The following RPS6KA2 variants were observed in gnomAD, a reference collection of about 807,000 sequenced individuals.
RPS6KA2 encodes the protein ribosomal protein S6 kinase alpha-2.
A neutral mutation model predicts 91.8 loss-of-function variants in RPS6KA2; 42 were observed. The observed-to-expected ratio is 0.46, with a 90% CI of 0.36 to 0.59. The LOEUF is 0.59. RPS6KA2 is among the 20% of genes least tolerant of loss of function. The pLI is 0.00. For missense variants in RPS6KA2, 798 were observed against 978.5 expected (o/e 0.82, Z 2.46); for synonymous variants, 414 against 393.6 (o/e 1.05, Z -0.61).
intron 2 of RPS6KA2, among the ~76,000 whole-genome samples, chr6:166,532,521 GC>G (rs1202964062): frequency 6.6e-6 from 1 of 152,202 alleles, no homozygotes; most frequent in Admixed American, 6.5e-5. Flanking sequence ...CTCACCATGT[GC>G]CCCTGAAGTG....
At chr6:166,693,323 G>C (rs1455839183) in intron 2 of RPS6KA2, among the ~76,000 whole-genome samples, 1 of 152,228 alleles carries the variant, frequency 6.6e-6, no homozygotes, top group Admixed American at 6.5e-5. Flanking sequence ...TAAACACGCG[G>C]AAGTGATTCT....
In RPS6KA2 at chr6:166,513,376, A is replaced by T. The variant is rs3778425; in HGVS notation, c.299-3019T>A. ...GAGGGTGCGGGAGCGACTGCTTATC[A>T]CTTCTGCCCAAGGGGACACAGGAGG... On this transcript the variant is annotated intron_variant, in intron 3 of 20. Transcript: ENST00000265678. Among the ~76,000 whole-genome samples the T allele has an allele frequency of 7.8e-4, 119 of 152,266 alleles. 2 individuals are homozygous for T. In the East Asian group the frequency reaches 8.5e-3, roughly 11 times the overall value.
At chr6:166,673,752 T>C (rs2128562067) in intron 2 of RPS6KA2, among the ~76,000 whole-genome samples, 1 of 152,346 alleles carries the variant, frequency 6.6e-6, no homozygotes, top group South Asian at 2.1e-4. Context: ...TTTTAGCTCA[T>C]CAGCTATTGT....
intron 6 of RPS6KA2, among the ~76,000 whole-genome samples, chr6:166,502,888 A>T (rs1314930157): frequency 6.6e-6 from 1 of 152,122 alleles, no homozygotes; most frequent in East Asian, 1.9e-4. Flanking sequence ...GTCTTTTTTG[A>T]TTCTACGTTG....
intron 2 of RPS6KA2, among the ~76,000 whole-genome samples, chr6:166,789,720 T>G (rs1411027166): frequency 6.6e-6 from 1 of 152,232 alleles, no homozygotes; most frequent in East Asian, 1.9e-4. Flanking sequence ...TCCGCTGTTC[T>G]GCAGCCACCA....
intron 2 of RPS6KA2, among the ~76,000 whole-genome samples, chr6:166,691,196 G>T (rs568194550): frequency 6.6e-6 from 1 of 152,094 alleles, no homozygotes; most frequent in African/African-American, 2.4e-5. Context: ...TTACGGCCCC[G>T]GGTTCTAGCC....
At chr6:166,616,586 C>T (rs570558827) in intron 1 of RPS6KA2, among the ~76,000 whole-genome samples, 1 of 152,344 alleles carries the variant, frequency 6.6e-6, no homozygotes, top group East Asian at 1.9e-4. Flanking sequence ...GATGAACATG[C>T]AGAACCCCCG....
At chr6:166,642,197 T>C (rs1024665215) in intron 2 of RPS6KA2, among the ~76,000 whole-genome samples, 4 of 152,196 alleles carry the variant, frequency 2.6e-5, no homozygotes, top group Admixed American at 6.5e-5. Flanking sequence ...TGTTAATTAC[T>C]GTCAGCTACC....
intron 2 of RPS6KA2, among the ~76,000 whole-genome samples, chr6:166,690,774 T>C (rs1336009847): frequency 1.3e-5 from 2 of 152,102 alleles, no homozygotes; most frequent in East Asian, 3.9e-4. Flanking sequence ...ACGTACACCA[T>C]CTACTTAGCA....
intron 2 of RPS6KA2, among the ~76,000 whole-genome samples, chr6:166,653,477 G>A (rs1787921829): frequency 1.3e-5 from 2 of 152,202 alleles, no homozygotes; most frequent in Non-Finnish European, 2.9e-5. Flanking sequence ...AGACGGAATC[G>A]ACATGGCAAT....
At chr6:166,785,965 T>C (rs1325256111) in intron 2 of RPS6KA2, among the ~76,000 whole-genome samples, 1 of 152,182 alleles carries the variant, frequency 6.6e-6, no homozygotes, top group Non-Finnish European at 1.5e-5. Flanking sequence ...TAAATAACAT[T>C]TGGTTTTATT....
At chr6:166,780,567 C>T (rs894645526) in intron 2 of RPS6KA2, among the ~76,000 whole-genome samples, 10 of 152,238 alleles carry the variant, frequency 6.6e-5, no homozygotes, top group African/African-American at 1.9e-4. Context: ...ATGCGTATAC[C>T]ACAGAAGCCA....
At chr6:166,606,528 A>G (rs1013964760) in intron 1 of RPS6KA2, among the ~76,000 whole-genome samples, 4 of 152,250 alleles carry the variant, frequency 2.6e-5, no homozygotes, top group African/African-American at 9.6e-5. Flanking sequence ...TTTGCTGTAA[A>G]CAATACCATC....
chr6:166,420,353 A>C (rs910206755), intron 17 of RPS6KA2, among the ~76,000 whole-genome samples: 29 of 152,110 alleles, frequency 1.9e-4, no homozygotes, highest in African/African-American at 7.0e-4. Context: ...CCATCCATCC[A>C]CAGAGCATTT....
At chr6:166,453,576 T>C (rs941271738) in intron 12 of RPS6KA2, among the ~76,000 whole-genome samples, 4 of 152,162 alleles carry the variant, frequency 2.6e-5, no homozygotes, top group African/African-American at 9.6e-5. Context: ...AAATAACAGA[T>C]GTTGGTGAGG....
At chr6:166,552,846 G>T (rs1339555253) in intron 1 of RPS6KA2, among the ~76,000 whole-genome samples, 2 of 152,238 alleles carry the variant, frequency 1.3e-5, no homozygotes, top group Non-Finnish European at 2.9e-5. Context: ...CAGTGGCATA[G>T]CAGGGATGGG....
chr6:166,852,409 A>T lies in RPS6KA2; in HGVS notation c.123+5791T>A, dbSNP rs116280526. Among the ~76,000 whole-genome samples the T allele has an allele frequency of 5.5e-3, 844 of 152,114 alleles. 8 individuals carry two copies. Among genetic ancestry groups the T allele is most frequent in the African/African-American group, 0.019 (798 of 41,474 alleles). On this transcript the variant is annotated intron_variant, in intron 2 of 21. Coordinates refer to the RPS6KA2 transcript ENST00000503859. The surrounding 1 kb of genome is among the most constrained non-coding windows in gnomAD (Gnocchi z 4.1). The stretch of plus-strand genomic sequence containing the variant: ...TTCACCTTGTCTCACTTCTATTCAG[A>T]CCAGTTTAGATTGTTTTTCTTTCTG...
At chr6:166,475,614 T>G in intron 10 of RPS6KA2, 1 of 310,576 alleles carries the variant, frequency 3.2e-6, no homozygotes, top group Non-Finnish European at 6.8e-6. Context: ...CCTCTGGAGG[T>G]CAGTGGCAGT....
At chr6:166,553,028 CTT>C (rs1562575332) in intron 1 of RPS6KA2, among the ~76,000 whole-genome samples, 1 of 152,236 alleles carries the variant, frequency 6.6e-6, no homozygotes, top group African/African-American at 2.4e-5. Context: ...TGAACACACA[CTT>C]ATATAATATT....
Sources: allele counts gnomAD v4.1 joint callset (sites outside exome capture counted in the v4.1 genomes callset), GRCh38; gene constraint gnomAD v4.1.1; non-coding constraint Gnocchi (gnomAD v3.1); transcripts MANE v1.5; gene names NCBI Gene and HGNC (gene_info 2026-07-23, HGNC 2026-07-21).